PSKH1: variants seen among roughly 807,000 people sequenced by gnomAD.
PSKH1 encodes the protein serine/threonine-protein kinase H1.
PSKH1 carries 12 observed loss-of-function variants against 26.7 expected under a neutral mutation model. The observed-to-expected ratio is 0.45, with a 90% CI of 0.29 to 0.73. The LOEUF is 0.73. Ranked by LOEUF, PSKH1 falls within the 30% of genes least tolerant of loss-of-function variation. PSKH1 has a pLI of 0.11. For synonymous variants in PSKH1, 213 were observed against 234.3 expected, an observed-to-expected ratio of 0.91 and a Z score of 0.83; for missense variants, 431 against 595.2, an observed-to-expected ratio of 0.72 and a Z score of 2.87.
intron 2 of PSKH1, among the ~76,000 whole-genome samples, chr16:67,921,449 C>T (rs937711648): frequency 6.6e-6 from 1 of 151,706 alleles, no homozygotes; most frequent in Non-Finnish European, 1.5e-5. Flanking sequence ...GTGGCATGCA[C>T]CTGTAGTCCC....
intron 2 of PSKH1, among the ~76,000 whole-genome samples, chr16:67,913,780 G>C (rs1179883362): frequency 2.0e-5 from 3 of 152,202 alleles, no homozygotes; most frequent in Admixed American, 6.5e-5. Context: ...AATAGGTCTA[G>C]GTAGGGCCTG....
rs550542563 is a variant in PSKH1, at chr16:67,903,398, C to T, written c.-70-5282C>T. ...AACTCCTGGACTCAAGTAGTCCTCA[C>T]GCCTTGGCCTCCCAAAGTGCTGGGA... On this transcript the variant is annotated intron_variant, in intron 1 of 2. Transcript: ENST00000291041. 5.3e-5 allele frequency among the ~76,000 whole-genome samples: 8 copies of T among 152,070 alleles called. No homozygotes were observed. The East Asian group carries it at 7.7e-4, about 15-fold the overall frequency.
At chr16:67,903,749 G>A (rs547617272) in intron 1 of PSKH1, among the ~76,000 whole-genome samples, 9 of 151,894 alleles carry the variant, frequency 5.9e-5, no homozygotes, top group Middle Eastern at 6.9e-3. Context: ...TGCAAGGGAC[G>A]GGGTGCTGTC....
In PSKH1 at chr16:67,909,399, G is replaced by C. The variant is rs2058166754; in HGVS notation, c.650G>C (p.Arg217Pro). The change falls in exon 2 of 3, where the codon CGA (arginine) becomes CCA (proline). Residue 217 changes from arginine to proline, a missense_variant. Arg to Pro is a moderately radical substitution (Grantham distance 103, BLOSUM62 -2). Coordinates refer to ENST00000291041, the MANE Select transcript of PSKH1 (RefSeq NM_006742.3). This position sits in a 1 kb window ranked among gnomAD's most constrained non-coding sequence, Gnocchi z 7.8. Reference sequence around the variant, plus strand: ...CTGCATGCACTGGGCATCACACACCGAGACCTCAAACCTGAGAATCTGCTC... The same window carrying C: ...CTGCATGCACTGGGCATCACACACCCAGACCTCAAACCTGAGAATCTGCTC... Reference protein sequence around the residue: ...RYLHALGITHRDLKPENLLYY... With the variant: ...RYLHALGITHPDLKPENLLYY... 1 of 1,613,514 alleles carries C rather than the reference G, an allele frequency of 6.2e-7. No homozygotes were observed. The highest frequency in any genetic ancestry group is 8.5e-7 in the Non-Finnish European group (1 of 1,180,028).
At chr16:67,925,233 G>T (rs934381113) in intron 2 of PSKH1, among the ~76,000 whole-genome samples, 1 of 149,288 alleles carries the variant, frequency 6.7e-6, no homozygotes, top group Admixed American at 6.7e-5. Context: ...GTCTCGCTCT[G>T]TTGCCAGGCT....
intron 1 of PSKH1, among the ~76,000 whole-genome samples, chr16:67,895,254 G>T (rs891360529): frequency 6.6e-6 from 1 of 150,946 alleles, no homozygotes. Flanking sequence ...AAACAGAGAC[G>T]AGGTCTCGCC....
At chr16:67,923,272 G>T (rs574580835) in intron 2 of PSKH1, among the ~76,000 whole-genome samples, 31 of 152,276 alleles carry the variant, frequency 2.0e-4, no homozygotes, top group Admixed American at 1.8e-3. Context: ...AACATCAGGA[G>T]CAGGTACCCT....
chr16:67,916,710 C>T (rs12599580), intron 2 of PSKH1, among the ~76,000 whole-genome samples: 45,217 of 151,990 alleles, frequency 0.3, 8,802 homozygotes, highest in East Asian at 0.84. Flanking sequence ...ATCCTGTCCT[C>T]CTGGGGATGT....
At chr16:67,896,111 C>A (rs1393109281) in intron 1 of PSKH1, among the ~76,000 whole-genome samples, 1 of 150,128 alleles carries the variant, frequency 6.7e-6, no homozygotes, top group African/African-American at 2.5e-5. Flanking sequence ...CTTCTTTTTT[C>A]TTTTCTTTTT....
At chr16:67,901,863 G>C (rs2058143024) in intron 1 of PSKH1, among the ~76,000 whole-genome samples, 1 of 152,106 alleles carries the variant, frequency 6.6e-6, no homozygotes, top group South Asian at 2.1e-4. Context: ...CAGGGCTCAA[G>C]TAATCCTCCC....
Position 67,919,333 on chromosome 16 carries a change from G to A in PSKH1, c.958-7992G>A, listed in dbSNP as rs118077385. Among the ~76,000 whole-genome samples, 5 of 152,290 alleles carry A rather than the reference G, an allele frequency of 3.3e-5. 1 individual carries two copies. In the East Asian group the frequency reaches 9.7e-4, roughly 29 times the overall value. On this transcript the variant is annotated intron_variant, in intron 2 of 2. Coordinates refer to ENST00000291041, the MANE Select transcript of PSKH1 (RefSeq NM_006742.3). ...ACCCCTGCTCCCAGAGTCAGAGGAT[G>A]GCTTTCCCACGACTGTCTCAATAGC...
intron 1 of PSKH1, among the ~76,000 whole-genome samples, chr16:67,905,077 C>T (rs113527792): frequency 1.5e-3 from 230 of 151,924 alleles, no homozygotes; most frequent in African/African-American, 4.4e-3. Context: ...CCACCCGCCT[C>T]GGCCTCCCAA....
intron 2 of PSKH1, among the ~76,000 whole-genome samples, chr16:67,917,607 C>T (rs553606949): frequency 2.0e-5 from 3 of 152,340 alleles, no homozygotes; most frequent in African/African-American, 4.8e-5. Context: ...CCCTGGGAAG[C>T]GTCCCAAATG....
chr16:67,911,223 G>C (rs953886438), intron 2 of PSKH1, among the ~76,000 whole-genome samples: 8 of 152,194 alleles, frequency 5.3e-5, no homozygotes, highest in African/African-American at 1.9e-4. Flanking sequence ...CTCCCCATAG[G>C]GTGTTTCCTT....
intron 1 of PSKH1, among the ~76,000 whole-genome samples, chr16:67,907,885 G>A (rs570597782): frequency 2.0e-5 from 3 of 152,330 alleles, no homozygotes; most frequent in Admixed American, 2.0e-4. Flanking sequence ...TATGCATGAA[G>A]GAGGCCTTGG....
At chr16:67,924,679 T>C (rs1463377580) in intron 2 of PSKH1, among the ~76,000 whole-genome samples, 3 of 152,226 alleles carry the variant, frequency 2.0e-5, no homozygotes, top group African/African-American at 7.2e-5. Flanking sequence ...CACCCTGGGC[T>C]GTCAGCCCTG....
intron 2 of PSKH1, among the ~76,000 whole-genome samples, chr16:67,913,985 A>C (rs945405761): frequency 6.6e-6 from 1 of 152,086 alleles, no homozygotes; most frequent in Non-Finnish European, 1.5e-5. Flanking sequence ...AATGATAGCT[A>C]CAGAAGTATA....
chr16:67,900,395 G>A (rs2058138387), intron 1 of PSKH1, among the ~76,000 whole-genome samples: 1 of 152,172 alleles, frequency 6.6e-6, no homozygotes, highest in African/African-American at 2.4e-5. Context: ...AGAGCAGTGA[G>A]CAGTGTGACT....
chr16:67,908,681 T>A lies in PSKH1; in HGVS notation c.-69T>A. On this transcript the variant is annotated splice_region_variant and 5_prime_UTR_variant, in exon 2 of 3. Coordinates refer to ENST00000291041, the MANE Select transcript of PSKH1 (RefSeq NM_006742.3). Reference sequence around the variant, plus strand: ...GACTTGTTCTCTCTTTGTGTGTAGGTGTAGACGGGGCACTGCCTTCAGAGC... The same window carrying A: ...GACTTGTTCTCTCTTTGTGTGTAGGAGTAGACGGGGCACTGCCTTCAGAGC... 1 of 1,335,534 alleles carries A rather than the reference T, an allele frequency of 7.5e-7. No individual in the cohort carries two copies. Among genetic ancestry groups the A allele is most frequent in the Non-Finnish European group, 1.0e-6 (1 of 965,984 alleles). 82.7% of individuals were successfully genotyped at this position (1,335,534 alleles called of 1,614,324 possible).
Sources: gnomAD v4.1 joint callset for allele counts (sites outside exome capture counted in the v4.1 genomes callset) on GRCh38, gnomAD v4.1.1 for gene constraint, Gnocchi (gnomAD v3.1) non-coding constraint, MANE v1.5 for transcripts, NCBI Gene and HGNC (gene_info 2026-07-23, HGNC 2026-07-21) for gene names.